Variants in CEP89 observed in about 807,000 individuals in gnomAD.
CEP89 encodes the protein centrosomal protein of 89 kDa.
Under a neutral mutation model 97.6 loss-of-function variants are expected in CEP89, and 95 were observed. The observed-to-expected ratio is 0.97, with a 90% CI of 0.82 to 1.15. The LOEUF (loss-of-function observed/expected upper bound fraction) is 1.15. Among genes scored for constraint, CEP89 ranks in the 50% most tolerant of loss-of-function variants. CEP89 has a pLI of 0.00. For missense variants in CEP89, 869 were observed against 947.7 expected (o/e 0.92, Z 1.09); for synonymous variants, 354 against 349.1 (o/e 1.01, Z -0.16).
At chr19:32,965,031 G>A (rs536953184) in intron 2 of CEP89, among the ~76,000 whole-genome samples, 136 of 152,082 alleles carry the variant, frequency 8.9e-4, no homozygotes, top group Middle Eastern at 3.4e-3. Context: ...TTAGCCTCCC[G>A]AGTATCTGGG....
At chr19:32,961,766 C>G (rs1052493897) in intron 2 of CEP89, among the ~76,000 whole-genome samples, 1 of 151,836 alleles carries the variant, frequency 6.6e-6, no homozygotes, top group Non-Finnish European at 1.5e-5. Context: ...ACCTCAGTAT[C>G]TTGAATAGCT....
chr19:32,900,246 AT>A (rs55730702), intron 15 of CEP89, among the ~76,000 whole-genome samples: 34,609 of 133,710 alleles, frequency 0.26, 4,264 homozygotes, highest in Admixed American at 0.38. Flanking sequence ...GAATAGGTTC[AT>A]TTTTTTTTTT....
intron 5 of CEP89, 58 bp from the exon 6 acceptor site, chr19:32,939,943 C>T: frequency 1.2e-6 from 1 of 806,006 alleles, no homozygotes; most frequent in Middle Eastern, 2.4e-4. Flanking sequence ...AATATGACAA[C>T]TCAGAAAGTA....
intron 14 of CEP89, among the ~76,000 whole-genome samples, chr19:32,908,608 G>A (rs1197181300): frequency 6.6e-6 from 1 of 152,182 alleles, no homozygotes; most frequent in African/African-American, 2.4e-5. Context: ...TTTTGTTTTG[G>A]CTACAGAAGC....
intron 2 of CEP89, among the ~76,000 whole-genome samples, chr19:32,961,199 C>CA (rs1971159351): frequency 1.3e-5 from 2 of 152,052 alleles, no homozygotes; most frequent in African/African-American, 4.8e-5. Flanking sequence ...GTGCAGCACT[C>CA]AGAAAGGTCT....
intron 16 of CEP89, among the ~76,000 whole-genome samples, chr19:32,889,072 T>A (rs1969460102): frequency 6.6e-6 from 1 of 151,950 alleles, no homozygotes; most frequent in Non-Finnish European, 1.5e-5. Flanking sequence ...ATGTACAGGG[T>A]TGGGTAAGGG....
chr19:32,929,344 G>A (rs534035876), intron 9 of CEP89, among the ~76,000 whole-genome samples: 4 of 152,276 alleles, frequency 2.6e-5, no homozygotes, highest in African/African-American at 9.6e-5. Flanking sequence ...GTTCATGCCT[G>A]TAATCCCAGC....
intron 16 of CEP89, among the ~76,000 whole-genome samples, chr19:32,895,560 G>A (rs1000400094): frequency 1.3e-5 from 2 of 152,062 alleles, no homozygotes; most frequent in African/African-American, 4.8e-5. Context: ...ACTGAAACTA[G>A]TTAAGGATGA....
chr19:32,940,029 G>A (rs1473305860), intron 5 of CEP89, 144 bp from the exon 6 acceptor site: 4 of 502,746 alleles, frequency 8.0e-6, no homozygotes, highest in Non-Finnish European at 1.1e-5. Context: ...GGGTCACAGG[G>A]CAAGTGGGTC....
At chr19:32,908,004 T>C (rs766665507) in intron 14 of CEP89, among the ~76,000 whole-genome samples, 5 of 152,268 alleles carry the variant, frequency 3.3e-5, no homozygotes, top group Admixed American at 6.5e-5. Context: ...AGTAACATGC[T>C]GTGCAGGTTT....
At chr19:32,918,140 G>T in intron 13 of CEP89, 84 bp downstream of exon 13, 1 of 1,139,546 alleles carries the variant, frequency 8.8e-7, no homozygotes, top group Non-Finnish European at 1.3e-6. Flanking sequence ...TTTTCAACTG[G>T]GGCCCCCGGC....
intron 2 of CEP89, among the ~76,000 whole-genome samples, chr19:32,960,864 GGAAAATTTCC>G (rs1335441723): frequency 2.6e-5 from 4 of 152,074 alleles, no homozygotes; most frequent in Non-Finnish European, 4.4e-5. Flanking sequence ...TTGCTGCCTA[GGAAAATTTCC>G]AGGTCACAGC....
chr19:32,919,075 C>T (rs568924878), intron 12 of CEP89, among the ~76,000 whole-genome samples: 5 of 152,036 alleles, frequency 3.3e-5, no homozygotes, highest in African/African-American at 1.2e-4. Context: ...TTAGTAGAAA[C>T]AGGGTTTCAC....
intron 14 of CEP89, among the ~76,000 whole-genome samples, chr19:32,915,015 C>T (rs1489352769): frequency 1.3e-5 from 2 of 151,118 alleles, no homozygotes; most frequent in Non-Finnish European, 3.0e-5. Context: ...AGTGAGAGTC[C>T]GTCCCAAAAA....
chr19:32,920,231 GTT>G (rs1210250267), intron 12 of CEP89, among the ~76,000 whole-genome samples: 2 of 151,772 alleles, frequency 1.3e-5, no homozygotes, highest in Non-Finnish European at 2.9e-5. Context: ...TTTTGTTTTT[GTT>G]TTTTTGAGAC....
intron 14 of CEP89, among the ~76,000 whole-genome samples, chr19:32,902,010 CTG>C (rs929591410): frequency 0.015 from 1,958 of 133,600 alleles, 29 homozygotes; most frequent in African/African-American, 0.032. Flanking sequence ...CTCTCTCTCT[CTG>C]TGTGTGTGTG....
rs772222952 is a variant in CEP89, at chr19:32,966,436, C to G, written c.70G>C (p.Ala24Pro). Residue 24 changes from alanine to proline, a missense_variant, in exon 2 of 19, where the codon GCC (alanine) becomes CCC (proline). By Grantham distance (27) the Ala-to-Pro change is conservative. Coordinates refer to ENST00000305768, the MANE Select transcript of CEP89 (RefSeq NM_032816.5). Reference protein sequence around the residue: ...KHIIHGLLPAASVAPKAAVPR... With the variant: ...KHIIHGLLPAPSVAPKAAVPR... Reference sequence around the variant, plus strand: ...ACAGCTGCCTTCGGAGCAACGCTGGCTGCAGGTAAAAGGCCATGGATGATG... The same window carrying G: ...ACAGCTGCCTTCGGAGCAACGCTGGGTGCAGGTAAAAGGCCATGGATGATG... 6.4e-7 allele frequency: 1 copy of G among 1,563,748 alleles called. No individual in the cohort carries two copies. Among genetic ancestry groups the G allele is most frequent in the Non-Finnish European group, 8.7e-7 (1 of 1,152,432 alleles).
In CEP89 at chr19:32,933,615, T is replaced by A; in HGVS notation, c.722A>T (p.Glu241Val). 6.2e-7 allele frequency: 1 copy of A among 1,613,572 alleles called. No individual in the cohort carries two copies. The highest frequency in any genetic ancestry group is 8.5e-7 in the Non-Finnish European group (1 of 1,179,480). The change falls in exon 8 of 19, where the codon GAG becomes GTG. Residue 241 changes from glutamate (E) to valine (V), a missense_variant. Transcript: ENST00000305768. ...GTCCATATTTTCTTCTTTTAATGCC[T>A]CAAACTTTTCTCTGGTTATTTCTGT... ...RYTEITREKF[E>V]ALKEENMDLN...
Position 32,933,622 on chromosome 19 carries a change from T to G in CEP89, c.715A>C (p.Lys239Gln). The G allele has an allele frequency of 1.2e-6, 2 of 1,613,508 alleles. No individual in the cohort carries two copies. The highest frequency in any genetic ancestry group is 1.7e-6 in the Non-Finnish European group (2 of 1,179,452). ...RQRYTEITREKFEALKEENMD... is the reference protein window; with the variant it reads ...RQRYTEITREQFEALKEENMD... The stretch of plus-strand genomic sequence containing the variant: ...TTTTCTTCTTTTAATGCCTCAAACT[T>G]TTCTCTGGTTATTTCTGTATATCTT... Residue 239 changes from lysine to glutamine, a missense_variant, in exon 8 of 19, where the codon AAG (lysine) becomes CAG (glutamine). Coordinates refer to ENST00000305768, the MANE Select transcript of CEP89 (RefSeq NM_032816.5).
Sources: gnomAD v4.1 joint callset for allele counts (sites outside exome capture counted in the v4.1 genomes callset) on GRCh38, gnomAD v4.1.1 for gene constraint, MANE v1.5 for transcripts, NCBI Gene and HGNC (gene_info 2026-07-23, HGNC 2026-07-21) for gene names.